The following SLCO3A1 variants were observed in gnomAD, a reference collection of about 807,000 sequenced individuals.
SLCO3A1 encodes the protein solute carrier organic anion transporter family member 3A1.
Under a neutral mutation model 63.1 loss-of-function variants are expected in SLCO3A1, and 27 were observed. The ratio of observed to expected loss-of-function variants is 0.43; its 90% CI spans 0.32 to 0.59. SLCO3A1 has a LOEUF of 0.59. Ranked by LOEUF, SLCO3A1 falls within the 20% of genes least tolerant of loss-of-function variation. The pLI is 0.09. For missense variants in SLCO3A1, 773 were observed against 945.8 expected (o/e 0.82, Z 2.40); for synonymous variants, 473 against 409.9 (o/e 1.15, Z -1.86).
In SLCO3A1 at chr15:91,856,622, A is replaced by T. The variant is rs920298474; in HGVS notation, c.180+2534A>T. 6.6e-6 allele frequency among the ~76,000 whole-genome samples: 1 copy of T among 152,192 alleles called. No individual in the cohort carries two copies. Among genetic ancestry groups the T allele is most frequent in the African/African-American group, 2.4e-5 (1 of 41,442 alleles). On this transcript the variant is annotated intron_variant, in intron 1 of 9. Coordinates refer to ENST00000318445, the MANE Select transcript of SLCO3A1 (RefSeq NM_013272.4). The surrounding 1 kb of genome is among the most constrained non-coding windows in gnomAD (Gnocchi z 4.9). Reference sequence around the variant, plus strand: ...TTTAATTCATCATGGCTTTCTTAGGAAACCTGAGACCTTGTGTCTGTAGGG... The same window carrying T: ...TTTAATTCATCATGGCTTTCTTAGGTAACCTGAGACCTTGTGTCTGTAGGG...
intron 2 of SLCO3A1, among the ~76,000 whole-genome samples, chr15:92,012,539 G>C (rs1473644847): frequency 6.6e-6 from 1 of 152,088 alleles, no homozygotes; most frequent in Admixed American, 6.5e-5. Context: ...TCCCATCGCT[G>C]ACCACATTGC....
chr15:91,998,939 T>C (rs1248316683), intron 2 of SLCO3A1, among the ~76,000 whole-genome samples: 2 of 152,222 alleles, frequency 1.3e-5, no homozygotes, highest in Non-Finnish European at 2.9e-5. Context: ...ATATACATCA[T>C]AGAATACCGA....
chr15:92,017,483 G>T (rs564774303), intron 2 of SLCO3A1, among the ~76,000 whole-genome samples: 2 of 152,212 alleles, frequency 1.3e-5, no homozygotes, highest in South Asian at 4.2e-4. Context: ...GGAAGGGCTG[G>T]ACACGATGGC....
chr15:91,853,821 G>A lies in SLCO3A1; in HGVS notation c.-88G>A. ...GGCGGGGACAGCACGCAGCCTCGAG[G>A]CGCGCACCCCCGCCCGGCAGCGGCC... On this transcript the variant is annotated 5_prime_UTR_variant, in exon 1 of 10. Transcript: ENST00000318445. 1 of 1,153,094 alleles carries A rather than the reference G, an allele frequency of 8.7e-7. No individual in the cohort carries two copies. Among genetic ancestry groups the A allele is most frequent in the Non-Finnish European group, 1.1e-6 (1 of 938,876 alleles). The allele number at this position is 1,153,094 out of a possible 1,614,324, so 71.4% of individuals were successfully genotyped here.
At chr15:91,999,474 G>C (rs1326582688) in intron 2 of SLCO3A1, among the ~76,000 whole-genome samples, 1 of 152,110 alleles carries the variant, frequency 6.6e-6, no homozygotes, top group Non-Finnish European at 1.5e-5. Flanking sequence ...GAAACTGAAT[G>C]GGTAATGAGC....
rs1332805129 is a variant in SLCO3A1, at chr15:92,030,197, G to C, written c.647-64684G>C. Among the ~76,000 whole-genome samples, 4 of 152,278 alleles carry C rather than the reference G, an allele frequency of 2.6e-5. No individual in the cohort carries two copies. In the South Asian group the frequency reaches 8.3e-4, roughly 32 times the overall value. ...ACAAAATGCCCCAAAGGGTTAGTTG[G>C]TTTTCAAAAGCTACGTGTTAGACAC... On this transcript the variant is annotated intron_variant, in intron 2 of 9. Coordinates refer to ENST00000318445, the MANE Select transcript of SLCO3A1 (RefSeq NM_013272.4).
chr15:92,077,737 G>A (rs1291830733), intron 2 of SLCO3A1, among the ~76,000 whole-genome samples: 1 of 152,204 alleles, frequency 6.6e-6, no homozygotes, highest in African/African-American at 2.4e-5. Flanking sequence ...AGAGCCAGCA[G>A]GGATATGGCT....
intron 2 of SLCO3A1, among the ~76,000 whole-genome samples, chr15:92,087,100 C>T (rs1158394114): frequency 1.3e-5 from 2 of 152,070 alleles, no homozygotes; most frequent in African/African-American, 4.8e-5. Context: ...GGTCTCTGAT[C>T]CACCTGGAAT....
At chr15:92,135,550 T>C (rs561087069) in intron 7 of SLCO3A1, among the ~76,000 whole-genome samples, 2 of 152,192 alleles carry the variant, frequency 1.3e-5, no homozygotes, top group African/African-American at 2.4e-5. Flanking sequence ...TGATGAGATC[T>C]GAGGGTTATG....
intron 4 of SLCO3A1, among the ~76,000 whole-genome samples, chr15:92,109,301 G>A (rs2047701615): frequency 6.6e-6 from 1 of 152,196 alleles, no homozygotes; most frequent in Admixed American, 6.5e-5. Context: ...TGCCACTTCT[G>A]ACAGTAAACG....
intron 4 of SLCO3A1, among the ~76,000 whole-genome samples, chr15:92,118,638 C>A (rs2047824623): frequency 6.6e-6 from 1 of 152,186 alleles, no homozygotes; most frequent in Non-Finnish European, 1.5e-5. Flanking sequence ...TAGCTCTCTT[C>A]TTTAGGACAG....
chr15:92,155,821 T>C (rs1230999416), intron 9 of SLCO3A1, among the ~76,000 whole-genome samples: 1 of 152,200 alleles, frequency 6.6e-6, no homozygotes. Context: ...ACTGAGGCTA[T>C]GGAGAAGCCT....
chr15:91,904,031 C>T (rs575303753), intron 1 of SLCO3A1, among the ~76,000 whole-genome samples: 11 of 58,346 alleles, frequency 1.9e-4, no homozygotes, highest in African/African-American at 7.6e-4. Context: ...AGGAGTGGGT[C>T]GGGTAGAGGG....
At chr15:91,972,024 T>A (rs1399132696) in intron 2 of SLCO3A1, among the ~76,000 whole-genome samples, 1 of 152,140 alleles carries the variant, frequency 6.6e-6, no homozygotes, top group Admixed American at 6.5e-5. Flanking sequence ...CTCAAAAAAC[T>A]AAGGATTTTG....
At chr15:91,915,204 T>A (rs750746194) in intron 1 of SLCO3A1, among the ~76,000 whole-genome samples, 1 of 152,140 alleles carries the variant, frequency 6.6e-6, no homozygotes, top group Non-Finnish European at 1.5e-5. Context: ...GATGGCTTCT[T>A]CAGGCCAGAT....
intron 2 of SLCO3A1, among the ~76,000 whole-genome samples, chr15:92,086,076 A>G (rs754658034): frequency 9.8e-5 from 15 of 152,328 alleles, no homozygotes; most frequent in South Asian, 2.1e-4. Flanking sequence ...CTTACAAACA[A>G]TGCTGGTGTG....
At chr15:91,974,442 G>A (rs1435293919) in intron 2 of SLCO3A1, among the ~76,000 whole-genome samples, 2 of 152,096 alleles carry the variant, frequency 1.3e-5, no homozygotes, top group Non-Finnish European at 2.9e-5. Flanking sequence ...AGGAGGCAAC[G>A]GGCACCTTGG....
rs1025967433 is a variant in SLCO3A1 at position 92,071,681 on chromosome 15, G to A, written c.647-23200G>A. Among the ~76,000 whole-genome samples the A allele has an allele frequency of 2.0e-5, 3 of 152,164 alleles. No homozygotes were observed. In the East Asian group the frequency reaches 5.8e-4, roughly 29 times the overall value. ...GGCAGAGCAGCAGAGTCTGGGGTGGGCCGTGGCCTCTCCTCTGGCCCCAGT... is the reference window on the plus strand; with the variant it reads ...GGCAGAGCAGCAGAGTCTGGGGTGGACCGTGGCCTCTCCTCTGGCCCCAGT... On this transcript the variant is annotated intron_variant, in intron 2 of 9. Coordinates refer to ENST00000318445, the MANE Select transcript of SLCO3A1 (RefSeq NM_013272.4).
At chr15:91,971,381 C>G (rs1474277437) in intron 2 of SLCO3A1, among the ~76,000 whole-genome samples, 8 of 32,010 alleles carry the variant, frequency 2.5e-4, no homozygotes, top group African/African-American at 8.9e-4. Flanking sequence ...GGTGACAGAG[C>G]GAGACTCCAT....
Sources: gnomAD v4.1 joint callset for allele counts (sites outside exome capture counted in the v4.1 genomes callset) on GRCh38, gnomAD v4.1.1 for gene constraint, Gnocchi (gnomAD v3.1) non-coding constraint, MANE v1.5 for transcripts, NCBI Gene and HGNC (gene_info 2026-07-23, HGNC 2026-07-21) for gene names.